Variants in HIPK2 observed in about 807,000 individuals in gnomAD.
HIPK2 encodes the protein homeodomain-interacting protein kinase 2.
In HIPK2, 27 loss-of-function variants were observed where a neutral mutation model predicts 113.7. The ratio of observed to expected loss-of-function variants is 0.24; its 90% CI spans 0.17 to 0.33. The LOEUF (loss-of-function observed/expected upper bound fraction) is 0.33. Among genes scored for constraint, HIPK2 ranks in the 10% least tolerant of loss-of-function variants. HIPK2 has a pLI of 1.00. For synonymous variants in HIPK2, 631 were observed against 642.2 expected, an observed-to-expected ratio of 0.98 and a Z score of 0.26; for missense variants, 1,257 against 1,588.0, an observed-to-expected ratio of 0.79 and a Z score of 3.54.
intron 2 of HIPK2, among the ~76,000 whole-genome samples, chr7:139,667,450 A>C (rs954629007): frequency 6.6e-6 from 1 of 152,196 alleles, no homozygotes; most frequent in African/African-American, 2.4e-5. Flanking sequence ...GATTTGAAAA[A>C]CTGACCTTTA....
At chr7:139,724,755 C>T (rs1795520344) in intron 1 of HIPK2, among the ~76,000 whole-genome samples, 1 of 143,084 alleles carries the variant, frequency 7.0e-6, no homozygotes, top group Non-Finnish European at 1.5e-5. Flanking sequence ...CTGTTCAATT[C>T]CCATCTATGA....
chr7:139,633,557 A>G (rs1027027371), intron 2 of HIPK2, among the ~76,000 whole-genome samples: 1 of 152,098 alleles, frequency 6.6e-6, no homozygotes, highest in African/African-American at 2.4e-5. Flanking sequence ...CATGCCTGGA[A>G]TCCCAGCACT....
At chr7:139,599,582 GTGTCTGGGATTAAACAAGCTAT>G (rs1378200223) in intron 11 of HIPK2, among the ~76,000 whole-genome samples, 1 of 152,228 alleles carries the variant, frequency 6.6e-6, no homozygotes, top group African/African-American at 2.4e-5. Context: ...CTGCTGGTTA[GTGTCTGGGATTAAACAAGCTAT>G]TGCTTCTATT....
At chr7:139,680,389 G>C (rs1388270679) in intron 2 of HIPK2, among the ~76,000 whole-genome samples, 1 of 152,222 alleles carries the variant, frequency 6.6e-6, no homozygotes, top group Admixed American at 6.5e-5. Context: ...GAACAACCCA[G>C]ACAAGCCAAG....
chr7:139,635,905 T>G (rs1257883257), intron 2 of HIPK2, among the ~76,000 whole-genome samples: 2 of 152,100 alleles, frequency 1.3e-5, no homozygotes, highest in Non-Finnish European at 2.9e-5. Flanking sequence ...AACACAAACC[T>G]TTCCTAATCC....
At chr7:139,689,616 T>C (rs2116769658) in intron 2 of HIPK2, among the ~76,000 whole-genome samples, 1 of 152,294 alleles carries the variant, frequency 6.6e-6, no homozygotes, top group East Asian at 1.9e-4. Flanking sequence ...GCAGAAATGT[T>C]TCTCACCTGA....
At chr7:139,636,178 C>T (rs1301667148) in intron 2 of HIPK2, among the ~76,000 whole-genome samples, 1 of 152,082 alleles carries the variant, frequency 6.6e-6, no homozygotes, top group African/African-American at 2.4e-5. Context: ...GTGATCATTC[C>T]TTCCTGCCCT....
At chr7:139,763,660 T>C in intron 1 of HIPK2, among the ~76,000 whole-genome samples, 1 of 152,140 alleles carries the variant, frequency 6.6e-6, no homozygotes, top group East Asian at 1.9e-4. Context: ...GAGACAGAAA[T>C]GGATGGCTTC....
intron 2 of HIPK2, among the ~76,000 whole-genome samples, chr7:139,646,266 C>T (rs903355943): frequency 1.3e-5 from 2 of 152,002 alleles, no homozygotes; most frequent in Non-Finnish European, 2.9e-5. Flanking sequence ...GAAGCCAAGG[C>T]GGGAGGATCA....
At chr7:139,665,850 T>G (rs957062133) in intron 2 of HIPK2, among the ~76,000 whole-genome samples, 5 of 152,222 alleles carry the variant, frequency 3.3e-5, no homozygotes, top group African/African-American at 1.2e-4. Flanking sequence ...GTCTGTAATG[T>G]GACTTGTTCA....
At chr7:139,668,979 G>T (rs1028062215) in intron 2 of HIPK2, among the ~76,000 whole-genome samples, 1 of 152,206 alleles carries the variant, frequency 6.6e-6, no homozygotes, top group African/African-American at 2.4e-5. Flanking sequence ...GAATTCACGT[G>T]GAAGGATCAC....
intron 2 of HIPK2, among the ~76,000 whole-genome samples, chr7:139,686,082 T>G (rs1794208328): frequency 6.6e-6 from 1 of 152,196 alleles, no homozygotes; most frequent in African/African-American, 2.4e-5. Flanking sequence ...AGAACAGTCA[T>G]GATTCATGGA....
intron 2 of HIPK2, among the ~76,000 whole-genome samples, chr7:139,677,704 C>T (rs959204678): frequency 6.6e-6 from 1 of 152,002 alleles, no homozygotes; most frequent in Non-Finnish European, 1.5e-5. Context: ...TAGGTATTTC[C>T]CCTAATGCTA....
intron 4 of HIPK2, 28 bp from the exon 5 acceptor site, chr7:139,629,067 T>G: frequency 7.8e-6 from 12 of 1,531,086 alleles, no homozygotes; most frequent in African/African-American, 1.4e-5. Flanking sequence ...AGCCAATTGG[T>G]AGCGTGACTT....
At chr7:139,680,959 G>T (rs951712313) in intron 2 of HIPK2, among the ~76,000 whole-genome samples, 2 of 152,226 alleles carry the variant, frequency 1.3e-5, no homozygotes, top group African/African-American at 4.8e-5. Context: ...TTCGTGCCAT[G>T]GGTTTCCTGT....
chr7:139,744,815 C>T (rs570752149), intron 1 of HIPK2, among the ~76,000 whole-genome samples: 10 of 152,224 alleles, frequency 6.6e-5, no homozygotes, highest in Admixed American at 1.3e-4. Flanking sequence ...CTTCACCACG[C>T]TGCTCCCTGC....
chr7:139,702,601 G>A lies in HIPK2; in HGVS notation c.1103+13331C>T, dbSNP rs904895832. 2.4e-3 allele frequency among the ~76,000 whole-genome samples: 359 copies of A among 152,346 alleles called. 2 individuals carry two copies. The highest frequency in any genetic ancestry group is 8.3e-3 in the African/African-American group (346 of 41,564). On this transcript the variant is annotated intron_variant, in intron 2 of 14. Coordinates refer to ENST00000406875, the MANE Select transcript of HIPK2 (RefSeq NM_022740.5). The stretch of plus-strand genomic sequence containing the variant: ...TAAGCTTGAAAATGCCCTCAGGAGG[G>A]AGGGTTGCCACAGGGGAAAGCTGGT...
chr7:139,774,585 C>G (rs1469361002), intron 1 of HIPK2, among the ~76,000 whole-genome samples: 1 of 152,148 alleles, frequency 6.6e-6, no homozygotes, highest in Admixed American at 6.5e-5. Flanking sequence ...ATCTTCAGGT[C>G]CATCTGATGA....
At chr7:139,697,866 T>A (rs1339597574) in intron 2 of HIPK2, among the ~76,000 whole-genome samples, 2 of 147,818 alleles carry the variant, frequency 1.4e-5, no homozygotes, top group East Asian at 1.9e-4. Flanking sequence ...TAATGGAATT[T>A]TTTTTTTTTT....
Sources: gnomAD v4.1 joint callset for allele counts (sites outside exome capture counted in the v4.1 genomes callset) on GRCh38, gnomAD v4.1.1 for gene constraint, MANE v1.5 for transcripts, NCBI Gene and HGNC (gene_info 2026-07-23, HGNC 2026-07-21) for gene names.